Variants in STAB1 observed in about 807,000 individuals in gnomAD.
STAB1 encodes stabilin 1.
STAB1 carries 250 observed loss-of-function variants against 332.4 expected under a neutral mutation model. The ratio of observed to expected loss-of-function variants is 0.75; its 90% CI spans 0.68 to 0.84. STAB1 has a LOEUF of 0.84. STAB1 is among the 40% of genes least tolerant of loss of function. The pLI is 0.00. For synonymous variants in STAB1, 1,475 were observed against 1,390.4 expected (o/e 1.06, Z -1.35); for missense variants, 3,249 against 3,489.7 (o/e 0.93, Z 1.74).
Position 52,506,695 on chromosome 3 carries a change from C to T in STAB1, c.1834C>T (p.Arg612Cys), listed in dbSNP as rs762374962. 28 of 1,609,004 alleles carry T rather than the reference C, an allele frequency of 1.7e-5. No homozygotes were observed. The highest frequency in any genetic ancestry group is 5.5e-5 in the South Asian group (5 of 90,618). ...GCTCAGTGGGTCTCTGCCGCAGGGG[C>T]GCATCCTGCTGGGACCCGAGGGGGT... ...VLAVNISEEG[R>C]ILLGPEGVPL... The change falls in exon 18 of 69, where the codon CGC (arginine) becomes TGC (cysteine). Residue 612 changes from arginine (R) to cysteine (C), a missense_variant. Arg to Cys is a radical substitution (Grantham distance 180). Transcript: ENST00000321725.
At chr3:52,518,128 C>G in intron 45 of STAB1, 125 bp downstream of exon 45, 1 of 1,496,672 alleles carries the variant, frequency 6.7e-7, no homozygotes, top group Non-Finnish European at 8.9e-7. Flanking sequence ...GAGCCTGACC[C>G]CTGATTGTAC....
intron 57 of STAB1, 60 bp from the exon 58 acceptor site, chr3:52,521,784 G>C: frequency 6.3e-7 from 1 of 1,599,096 alleles, no homozygotes; most frequent in Non-Finnish European, 8.5e-7. Flanking sequence ...TGGGTGGAAC[G>C]GGCAGAGGCC....
At chr3:52,501,605 T>C in intron 2 of STAB1, 33 bp from the exon 3 acceptor site, 2 of 1,530,476 alleles carry the variant, frequency 1.3e-6, no homozygotes, top group South Asian at 1.2e-5. Flanking sequence ...CAAGGGAGCC[T>C]TTTCCATCAC....
chr3:52,505,381 G>T lies in STAB1; in HGVS notation c.1581G>T (p.Glu527Asp). 1 of 1,613,240 alleles carries T rather than the reference G, an allele frequency of 6.2e-7. No individual in the cohort carries two copies. Among genetic ancestry groups the T allele is most frequent in the Non-Finnish European group, 8.5e-7 (1 of 1,179,748 alleles). ...EAFSRFETIL[E>D]NCGLPSILDG... ...TCAGCCGCTTTGAAACCATCCTGGA[G>T]GTAAGCTCGGGGGAGGGGTCCTAGC... The change falls in exon 14 of 69, where the codon GAG becomes GAT. Residue 527 changes from glutamate (E) to aspartate (D), a missense_variant and splice_region_variant. Coordinates refer to ENST00000321725, the MANE Select transcript of STAB1 (RefSeq NM_015136.3).
At position 52,519,536 on chromosome 3, in the gene STAB1, G is replaced by C; in HGVS notation, c.5207G>C (p.Gly1736Ala). ...RNVTAAAQGF[G>A]YKIFSGLLKV... Reference sequence around the variant, plus strand: ...GTCACCGCCGCCGCCCAGGGCTTCGGTTACAAGATCTTCAGCGGCCTCCTG... The same window carrying C: ...GTCACCGCCGCCGCCCAGGGCTTCGCTTACAAGATCTTCAGCGGCCTCCTG... Residue 1736 changes from glycine to alanine, a missense_variant, in exon 50 of 69, where the codon GGT becomes GCT. By Grantham distance (60) the Gly-to-Ala change is moderately conservative (BLOSUM62 0). Coordinates refer to ENST00000321725, the MANE Select transcript of STAB1 (RefSeq NM_015136.3). 6.2e-7 allele frequency: 1 copy of C among 1,613,346 alleles called. No homozygotes were observed. Among genetic ancestry groups the C allele is most frequent in the South Asian group, 1.1e-5 (1 of 91,088 alleles).
intron 25 of STAB1, among the ~76,000 whole-genome samples, chr3:52,511,413 C>T (rs148444061): frequency 2.6e-5 from 4 of 152,322 alleles, no homozygotes; most frequent in Admixed American, 6.5e-5. Context: ...CAAGTCTCCA[C>T]GGATGCTTCT....
intron 52 of STAB1, 33 bp from the exon 53 acceptor site, chr3:52,520,367 G>T (rs752295881): frequency 1.2e-6 from 2 of 1,612,734 alleles, no homozygotes. Context: ...GTGCACCTGC[G>T]ACCCTTGCAT....
chr3:52,504,967 A>G (rs199513934), intron 12 of STAB1, 36 bp from the exon 13 acceptor site: 16 of 1,612,798 alleles, frequency 9.9e-6, no homozygotes, highest in East Asian at 6.7e-5. Flanking sequence ...GGGGGCTGGC[A>G]TATGGGATCT....
In STAB1 at chr3:52,519,280, A is replaced by G. The variant is rs770506617; in HGVS notation, c.5051A>G (p.Asn1684Ser). The change falls in exon 49 of 69, where the codon AAT (asparagine) becomes AGT (serine). Residue 1684 changes from asparagine to serine, a missense_variant. Physicochemically the swap from Asn to Ser is conservative, Grantham distance 46. Transcript: ENST00000321725. The stretch of plus-strand genomic sequence containing the variant: ...CGCCCCCAGGGCAGCATATACCTCA[A>G]TGACTTCGCGCGCGTGGTGAGCAGC... ...FSEREGSIYL[N>S]DFARVVSSDH... 4 of 1,612,708 alleles carry G rather than the reference A, an allele frequency of 2.5e-6. No homozygotes were observed. Among genetic ancestry groups the G allele is most frequent in the African/African-American group, 1.3e-5 (1 of 74,914 alleles).
chr3:52,519,564 GGTACT>G lies in STAB1; in HGVS notation c.5235+2_5235+6del. 1 of 1,613,216 alleles carries G rather than the reference GGTACT, an allele frequency of 6.2e-7. No individual in the cohort carries two copies. The highest frequency in any genetic ancestry group is 8.5e-7 in the Non-Finnish European group (1 of 1,180,006). On this transcript the variant is annotated splice_donor_variant and splice_donor_5th_base_variant and intron_variant, in intron 50 of 68. Transcript: ENST00000321725. LOFTEE classifies it high-confidence loss of function. ...ACAAGATCTTCAGCGGCCTCCTGAA[GGTACT>G]GCTCCCGTGTGGGCCTGTCATTGTG...
At position 52,522,108 on chromosome 3, in the gene STAB1, G is replaced by T; in HGVS notation, c.6343G>T (p.Val2115Phe). The stretch of plus-strand genomic sequence containing the variant: ...CAACTGTAGCCAGGTAGGAACAATG[G>T]TCACTTGTACCTGCCTGCCCGACTA... ...HANCSQVGTM[V>F]TCTCLPDYEG... The change falls in exon 59 of 69, where the codon GTC (valine) becomes TTC (phenylalanine). Residue 2115 changes from valine (V) to phenylalanine (F), a missense_variant. Coordinates refer to ENST00000321725, the MANE Select transcript of STAB1 (RefSeq NM_015136.3). 6.2e-7 allele frequency: 1 copy of T among 1,613,078 alleles called. No homozygotes were observed.
At chr3:52,498,559 C>G (rs1039852929) in intron 1 of STAB1, among the ~76,000 whole-genome samples, 3 of 152,248 alleles carry the variant, frequency 2.0e-5, no homozygotes, top group Non-Finnish European at 2.9e-5. Flanking sequence ...ACACCAGGCC[C>G]CAAAGCTCCC....
intron 30 of STAB1, 60 bp from the exon 31 acceptor site, chr3:52,513,657 C>T: frequency 1.3e-6 from 2 of 1,541,724 alleles, no homozygotes; most frequent in South Asian, 1.2e-5. Flanking sequence ...GTTGGGGCTG[C>T]CCCACCTTTA....
At position 52,520,826 on chromosome 3, in the gene STAB1, G is replaced by A. The variant is rs757142553; in HGVS notation, c.5729G>A (p.Arg1910His). 9.3e-6 allele frequency: 15 copies of A among 1,612,676 alleles called. No homozygotes were observed. Among genetic ancestry groups the A allele is most frequent in the Middle Eastern group, 1.6e-4 (1 of 6,084 alleles). ...QEQGSPEACW[R>H]FYPKFWTSPP... is the part of the protein sequence containing the mutation. Reference sequence around the variant, plus strand: ...CAGGGCAGCCCTGAGGCCTGCTGGCGCTTCTACCCGAAGTTCTGGACGTCC... The same window carrying A: ...CAGGGCAGCCCTGAGGCCTGCTGGCACTTCTACCCGAAGTTCTGGACGTCC... The change falls in exon 55 of 69, where the codon CGC becomes CAC. Residue 1910 changes from arginine to histidine, a missense_variant. Arg to His is a conservative substitution (Grantham distance 29). Transcript: ENST00000321725.
rs181476364 is a variant in STAB1 at position 52,505,963 on chromosome 3, C to T, written c.1749+27C>T. The T allele has an allele frequency of 3.7e-6, 6 of 1,612,672 alleles. No homozygotes were observed. In the Admixed American group the frequency reaches 5.0e-5, roughly 13 times the overall value. On this transcript the variant is annotated intron_variant, in intron 16 of 68. Transcript: ENST00000321725. ...TGCGAGGTCTTTTTCTGGGGGGCGG[C>T]CAGCTTGTACCCGGTGGGCCTGCCT...
intron 1 of STAB1, among the ~76,000 whole-genome samples, chr3:52,500,244 G>T (rs969154560): frequency 1.3e-5 from 2 of 152,294 alleles, no homozygotes; most frequent in Non-Finnish European, 2.9e-5. Context: ...CTTTGCTTCT[G>T]CTGTCCCCTA....
chr3:52,518,197 C>A, intron 45 of STAB1, 115 bp from the exon 46 acceptor site: 1 of 1,546,546 alleles, frequency 6.5e-7, no homozygotes. Context: ...TCAGACCCCG[C>A]GGCTTTCCTT....
rs374526827 is a variant in STAB1 at position 52,519,797 on chromosome 3, G to A, written c.5236-147G>A. ...TGACAGCAGTGTGCACAGTTGAGAT[G>A]TGTGCACACACATGCCTGCCTGGGA... On this transcript the variant is annotated intron_variant, in intron 50 of 68. Coordinates refer to ENST00000321725, the MANE Select transcript of STAB1 (RefSeq NM_015136.3). The A allele has an allele frequency of 1.3e-3, 1,528 of 1,172,084 alleles. 22 individuals carry two copies. In the South Asian group the frequency reaches 0.022, roughly 17 times the overall value. The allele number at this position is 1,172,084 out of a possible 1,614,324, so 72.6% of individuals were successfully genotyped here. A position where few individuals can be genotyped will look rare whatever the true frequency, so the allele number is the denominator to read the frequency against.
At chr3:52,506,901 C>T in intron 18 of STAB1, 51 bp downstream of exon 18, 1 of 1,592,766 alleles carries the variant, frequency 6.3e-7, no homozygotes, top group Non-Finnish European at 8.6e-7. Context: ...CCTGTCAGCG[C>T]TGGAGCGGCA....
Sources: gnomAD v4.1 joint callset for allele counts (sites outside exome capture counted in the v4.1 genomes callset) on GRCh38, gnomAD v4.1.1 for gene constraint, MANE v1.5 for transcripts, NCBI Gene and HGNC (gene_info 2026-07-23, HGNC 2026-07-21) for gene names.